SMYD3: variants seen among roughly 807,000 people sequenced by gnomAD.
SMYD3 encodes histone-lysine N-methyltransferase SMYD3.
A neutral mutation model predicts 57.7 loss-of-function variants in SMYD3; 36 were observed. The observed-to-expected ratio is 0.62, with a 90% confidence interval of 0.48 to 0.82. The LOEUF (loss-of-function observed/expected upper bound fraction) is 0.82, where lower values mean the gene tolerates loss of function less well. SMYD3 is among the 40% of genes least tolerant of loss of function. The pLI, the probability that SMYD3 is intolerant of heterozygous loss-of-function variation, is 0.00. For synonymous variants in SMYD3, 211 were observed against 195.0 expected (o/e 1.08, Z -0.68); for missense variants, 515 against 538.8 (o/e 0.96, Z 0.44).
At chr1:246,457,543 AAAAAAGAAAAG>A (rs769592272) in intron 1 of SMYD3, among the ~76,000 whole-genome samples, 101 of 95,586 alleles carry the variant, frequency 1.1e-3, no homozygotes, top group African/African-American at 1.7e-3. Flanking sequence ...AAAAAAAAAA[AAAAAAGAAAAG>A]AAAAGAAAAG....
chr1:246,102,761 T>A (rs533408786), intron 5 of SMYD3, among the ~76,000 whole-genome samples: 4 of 150,718 alleles, frequency 2.7e-5, no homozygotes, highest in African/African-American at 9.8e-5. Context: ...AAAAAAATAA[T>A]AATAATAATA....
intron 5 of SMYD3, among the ~76,000 whole-genome samples, chr1:246,129,118 C>T (rs928679325): frequency 6.6e-6 from 1 of 151,968 alleles, no homozygotes; most frequent in Non-Finnish European, 1.5e-5. Flanking sequence ...TTGTTCATTG[C>T]GATCCTTCAA....
intron 11 of SMYD3, among the ~76,000 whole-genome samples, chr1:245,762,981 G>A (rs935871544): frequency 6.6e-6 from 1 of 152,156 alleles, no homozygotes; most frequent in African/African-American, 2.4e-5. Context: ...GAGCATGTGA[G>A]CTCTCCTTTG....
At chr1:246,131,182 C>T (rs1259170189) in intron 5 of SMYD3, among the ~76,000 whole-genome samples, 1 of 152,194 alleles carries the variant, frequency 6.6e-6, no homozygotes, top group African/African-American at 2.4e-5. Flanking sequence ...TCCCAACACA[C>T]ATACATTTTA....
intron 5 of SMYD3, among the ~76,000 whole-genome samples, chr1:246,185,555 G>A (rs896813710): frequency 6.7e-6 from 1 of 149,110 alleles, no homozygotes; most frequent in African/African-American, 2.5e-5. Flanking sequence ...TCCGCCTCCC[G>A]GGTTCAAGCC....
chr1:246,454,618 T>C (rs973276488), intron 1 of SMYD3, among the ~76,000 whole-genome samples: 22 of 152,200 alleles, frequency 1.4e-4, no homozygotes, highest in Admixed American at 1.4e-3. Flanking sequence ...TGAGGGATTA[T>C]TAAAAACACA....
chr1:246,043,995 G>A (rs1389292501), intron 5 of SMYD3, among the ~76,000 whole-genome samples: 1 of 152,190 alleles, frequency 6.6e-6, no homozygotes, highest in Non-Finnish European at 1.5e-5. Context: ...TGCAGTGTCC[G>A]CACGTGGTTC....
chr1:245,792,364 C>A (rs1403038442), intron 10 of SMYD3, among the ~76,000 whole-genome samples: 1 of 152,212 alleles, frequency 6.6e-6, no homozygotes, highest in Non-Finnish European at 1.5e-5. Context: ...CTGTATCTAA[C>A]TTGGATCTTT....
intron 5 of SMYD3, among the ~76,000 whole-genome samples, chr1:246,100,759 G>A (rs1268648402): frequency 1.3e-5 from 2 of 152,110 alleles, no homozygotes; most frequent in South Asian, 2.1e-4. Context: ...TCCAGAGGAC[G>A]ATCCACAGCA....
chr1:246,481,615 CATATATACATACAT>C (rs2068105552), intron 1 of SMYD3, among the ~76,000 whole-genome samples: 2 of 38,750 alleles, frequency 5.2e-5, no homozygotes, highest in African/African-American at 2.1e-4. Flanking sequence ...TATACACATA[CATATATACATACAT>C]ACATACACAT....
Position 245,939,956 on chromosome 1 carries a change from G to A in SMYD3, c.532-10019C>T, listed in dbSNP as rs747676353. Among the ~76,000 whole-genome samples the A allele has an allele frequency of 3.3e-5, 5 of 152,186 alleles. 1 individual carries two copies. The highest frequency in any genetic ancestry group is 2.1e-4 in the South Asian group (1 of 4,828). ...AGCTGCAATCACTGTGGCTCCAGTCGGTGCCGGGGAGACTGGGTGGTTTGG... is the reference window on the plus strand; with the variant it reads ...AGCTGCAATCACTGTGGCTCCAGTCAGTGCCGGGGAGACTGGGTGGTTTGG... On this transcript the variant is annotated intron_variant, in intron 5 of 11. Coordinates refer to ENST00000490107, the MANE Select transcript of SMYD3 (RefSeq NM_001167740.2).
In SMYD3 at chr1:246,303,252, T is replaced by C. The variant is rs117662018; in HGVS notation, c.531+23949A>G. On this transcript the variant is annotated intron_variant, in intron 5 of 11. Coordinates refer to ENST00000490107, the MANE Select transcript of SMYD3 (RefSeq NM_001167740.2). ...TGAGGAGTGCATGAGTTGATACTTA[T>C]TGTGGTTGGCAGAATTTTAAGGTGG... 2.6e-5 allele frequency among the ~76,000 whole-genome samples: 4 copies of C among 152,308 alleles called. No homozygotes were observed. The East Asian group carries it at 7.7e-4, about 29-fold the overall frequency.
At chr1:246,113,679 T>C (rs2061292389) in intron 5 of SMYD3, 1 of 152,222 alleles carries the variant, frequency 6.6e-6, no homozygotes, top group South Asian at 2.1e-4. Flanking sequence ...AGCATTTGTT[T>C]CTCCCACAGA....
At chr1:245,928,227 C>T (rs2056509211) in intron 6 of SMYD3, among the ~76,000 whole-genome samples, 194 bp from the exon 7 acceptor site, 2 of 152,056 alleles carry the variant, frequency 1.3e-5, no homozygotes, top group African/African-American at 4.8e-5. Context: ...GTGCAATTCT[C>T]CTCAAGATGC....
At chr1:245,871,760 TC>T (rs2052206327) in intron 8 of SMYD3, among the ~76,000 whole-genome samples, 1 of 152,148 alleles carries the variant, frequency 6.6e-6, no homozygotes, top group South Asian at 2.1e-4. Context: ...ATGCACCTTC[TC>T]ATCTTTTCCT....
At chr1:245,956,432 C>T (rs1400185251) in intron 5 of SMYD3, among the ~76,000 whole-genome samples, 2 of 152,208 alleles carry the variant, frequency 1.3e-5, no homozygotes, top group Non-Finnish European at 2.9e-5. Flanking sequence ...AGGAAATAAT[C>T]TGAGCTGACA....
intron 5 of SMYD3, among the ~76,000 whole-genome samples, chr1:246,282,942 G>T (rs564418557): frequency 6.6e-6 from 1 of 152,276 alleles, no homozygotes; most frequent in South Asian, 2.1e-4. Context: ...TCTCAGCACT[G>T]TCAATACTTT....
chr1:246,468,970 T>A (rs1396930007), intron 1 of SMYD3, among the ~76,000 whole-genome samples: 1 of 152,182 alleles, frequency 6.6e-6, no homozygotes, highest in Non-Finnish European at 1.5e-5. Context: ...GACTGTGCCT[T>A]CAGTCATTAA....
intron 5 of SMYD3, among the ~76,000 whole-genome samples, chr1:246,321,214 T>G (rs1268557915): frequency 6.6e-6 from 1 of 152,198 alleles, no homozygotes; most frequent in Non-Finnish European, 1.5e-5. Flanking sequence ...TTACAAACAG[T>G]GGCAGACTGC....
Sources: allele counts gnomAD v4.1 joint callset (sites outside exome capture counted in the v4.1 genomes callset), GRCh38; gene constraint gnomAD v4.1.1; transcripts MANE v1.5; gene names NCBI Gene and HGNC (gene_info 2026-07-23, HGNC 2026-07-21).